The following CAPN13 variants were observed in gnomAD, a reference collection of about 807,000 sequenced individuals.
CAPN13 encodes calpain-13.
CAPN13 carries 90 observed loss-of-function variants against 98.4 expected under a neutral mutation model. The ratio of observed to expected loss-of-function variants is 0.92; its 90% CI spans 0.77 to 1.09. The LOEUF is 1.09. CAPN13 is among the 50% of genes least tolerant of loss of function. The pLI is 0.00. For missense variants in CAPN13, 887 were observed against 841.3 expected (o/e 1.05, Z -0.67); for synonymous variants, 330 against 305.5 (o/e 1.08, Z -0.84).
At chr2:30,777,248 T>G (rs1023366851) in intron 3 of CAPN13, among the ~76,000 whole-genome samples, 10 of 152,248 alleles carry the variant, frequency 6.6e-5, no homozygotes, top group Non-Finnish European at 1.2e-4. Flanking sequence ...TTAACTCTGT[T>G]GCTAACTGAG....
At chr2:30,770,490 A>T (rs1003718218) in intron 4 of CAPN13, 41 bp from the exon 5 acceptor site, 1 of 1,601,952 alleles carries the variant, frequency 6.2e-7, no homozygotes, top group South Asian at 1.1e-5. Context: ...GAGTTGAGGC[A>T]GAAGGGAGCT....
At chr2:30,752,066 A>G (rs1572816698) in intron 10 of CAPN13, among the ~76,000 whole-genome samples, 2 of 152,360 alleles carry the variant, frequency 1.3e-5, no homozygotes, top group Admixed American at 1.3e-4. Flanking sequence ...AAGAGGAATC[A>G]GTAAATTTGC....
chr2:30,805,136 C>T (rs1475091308), intron 1 of CAPN13, among the ~76,000 whole-genome samples: 1 of 152,142 alleles, frequency 6.6e-6, no homozygotes, highest in Non-Finnish European at 1.5e-5. Context: ...TCAGAAGACA[C>T]AAGCTGGAAG....
intron 19 of CAPN13, 39 bp downstream of exon 19, chr2:30,734,410 C>T (rs377222573): frequency 7.2e-5 from 111 of 1,549,510 alleles, no homozygotes; most frequent in African/African-American, 2.3e-4. Context: ...CCCCCCTCCC[C>T]GGACCTTGGG....
Position 30,743,326 on chromosome 2 carries a change from T to C in CAPN13, c.1445+57A>G. 4.1e-6 allele frequency: 6 copies of C among 1,447,512 alleles called. No individual in the cohort carries two copies. The Admixed American group carries it at 5.0e-5, about 12-fold the overall frequency. 89.7% of individuals were successfully genotyped at this position (1,447,512 alleles called of 1,614,324 possible). On this transcript the variant is annotated intron_variant, in intron 13 of 22. Transcript: ENST00000295055. ...CAGAGAACTGCCCATAATTACACAA[T>C]GTGTTTTTATAAAGTTAAGTAGAAT...
At position 30,748,719 on chromosome 2, in the gene CAPN13, G is replaced by A. The variant is rs576310653; in HGVS notation, c.1236+2384C>T. 2.0e-5 allele frequency among the ~76,000 whole-genome samples: 3 copies of A among 152,220 alleles called. No homozygotes were observed. The South Asian group carries it at 6.2e-4, about 32-fold the overall frequency. On this transcript the variant is annotated intron_variant, in intron 11 of 22. Transcript: ENST00000295055. ...ACCAGGATTCCCTTAAAGTGGAAAA[G>A]GTGTTCAGGTACCAGGTGTGATGAA...
chr2:30,806,822 A>C (rs190622101), intron 1 of CAPN13, among the ~76,000 whole-genome samples: 36 of 152,328 alleles, frequency 2.4e-4, no homozygotes, highest in Admixed American at 2.2e-3. Flanking sequence ...CTTCATTCCT[A>C]TAACTAATAA....
intron 12 of CAPN13, chr2:30,743,802 A>G: frequency 1.5e-6 from 1 of 665,612 alleles, no homozygotes; most frequent in African/African-American, 1.8e-5. Context: ...GAAATACCAC[A>G]CACAGTTTCA....
In CAPN13 at chr2:30,806,605, C is replaced by G. The variant is rs962898727; in HGVS notation, c.-33+697G>C. Reference sequence around the variant, plus strand: ...TGTAACTATAGAGGGAAAATATCTGCACTTATTCTAATCTGGTTAACTTGG... The same window carrying G: ...TGTAACTATAGAGGGAAAATATCTGGACTTATTCTAATCTGGTTAACTTGG... On this transcript the variant is annotated intron_variant, in intron 1 of 22. Coordinates refer to ENST00000295055, the MANE Select transcript of CAPN13 (RefSeq NM_144575.3). Among the ~76,000 whole-genome samples, 55 of 152,182 alleles carry G rather than the reference C, an allele frequency of 3.6e-4. 1 individual carries two copies. Among genetic ancestry groups the G allele is most frequent in the African/African-American group, 1.3e-3 (53 of 41,452 alleles).
Position 30,732,501 on chromosome 2 carries a change from T to A in CAPN13, c.1864A>T (p.Ser622Cys). 1 of 1,612,788 alleles carries A rather than the reference T, an allele frequency of 6.2e-7. No individual in the cohort carries two copies. Among genetic ancestry groups the A allele is most frequent in the Non-Finnish European group, 8.5e-7 (1 of 1,179,430 alleles). The change falls in exon 20 of 23, where the codon AGC (serine) becomes TGC (cysteine). Residue 622 changes from serine to cysteine, a missense_variant. Coordinates refer to ENST00000295055, the MANE Select transcript of CAPN13 (RefSeq NM_144575.3). ...LHLVTLRYSD[S>C]VGRVSFPSLV... The stretch of plus-strand genomic sequence containing the variant: ...CTGGGGAAGCTGACCCTGCCGACGC[T>A]GTCGCTGTACCTGAGGGTCACCAGA...
intron 12 of CAPN13, chr2:30,745,143 A>C: frequency 4.3e-6 from 2 of 465,036 alleles, no homozygotes; most frequent in Non-Finnish European, 9.0e-6. Flanking sequence ...CAGCACTCTC[A>C]GCCATGGGCA....
chr2:30,728,755 T>C (rs892586875), intron 22 of CAPN13, among the ~76,000 whole-genome samples: 1 of 152,164 alleles, frequency 6.6e-6, no homozygotes, highest in African/African-American at 2.4e-5. Flanking sequence ...TTAAAAAGTG[T>C]AGTCCAGCTG....
At chr2:30,806,298 T>C (rs950870942) in intron 1 of CAPN13, 5 of 152,332 alleles carry the variant, frequency 3.3e-5, no homozygotes, top group African/African-American at 1.2e-4. Context: ...TCATGCTATA[T>C]ATAGCTTTTG....
At chr2:30,800,164 GAAAGAAAGAAAGAAA>G (rs1675174620) in intron 1 of CAPN13, among the ~76,000 whole-genome samples, 1 of 151,202 alleles carries the variant, frequency 6.6e-6, no homozygotes, top group African/African-American at 2.4e-5. Context: ...AAGAAAGAAA[GAAAGAAAGAAAGAAA>G]GAAAGAAAGA....
intron 6 of CAPN13, among the ~76,000 whole-genome samples, chr2:30,763,612 A>G (rs1672955790): frequency 6.6e-6 from 1 of 152,260 alleles, no homozygotes; most frequent in Non-Finnish European, 1.5e-5. Flanking sequence ...ATCCCCATGG[A>G]TAGAAACCAG....
intron 1 of CAPN13, among the ~76,000 whole-genome samples, chr2:30,791,096 A>G (rs142613611): frequency 9.2e-4 from 140 of 152,116 alleles, no homozygotes; most frequent in African/African-American, 3.3e-3. Flanking sequence ...TGATCCAACA[A>G]CTCTCCTAGC....
intron 8 of CAPN13, among the ~76,000 whole-genome samples, chr2:30,756,814 G>A (rs761150425): frequency 2.6e-5 from 4 of 152,184 alleles, no homozygotes; most frequent in Admixed American, 6.5e-5. Context: ...CCCGATTCTC[G>A]CAGGGGCATC....
chr2:30,755,188 C>T (rs1254636873), intron 8 of CAPN13, among the ~76,000 whole-genome samples: 1 of 152,084 alleles, frequency 6.6e-6, no homozygotes, highest in Non-Finnish European at 1.5e-5. Flanking sequence ...TTCCTCCTCT[C>T]AGTTCTGTAA....
At chr2:30,800,765 C>T (rs1377340052) in intron 1 of CAPN13, among the ~76,000 whole-genome samples, 1 of 152,120 alleles carries the variant, frequency 6.6e-6, no homozygotes, top group Non-Finnish European at 1.5e-5. Flanking sequence ...AAAAAAGAAA[C>T]TTGTCTTTGC....
Sources: gnomAD v4.1 joint callset for allele counts (sites outside exome capture counted in the v4.1 genomes callset) on GRCh38, gnomAD v4.1.1 for gene constraint, MANE v1.5 for transcripts, NCBI Gene and HGNC (gene_info 2026-07-23, HGNC 2026-07-21) for gene names.